PDZD2: variants seen among roughly 807,000 people sequenced by gnomAD.
PDZD2 encodes the protein PDZ domain-containing protein 2.
A neutral mutation model predicts 220.7 loss-of-function variants in PDZD2; 90 were observed. The ratio of observed to expected loss-of-function variants is 0.41; its 90% CI spans 0.34 to 0.49. The LOEUF is 0.49. Among genes scored for constraint, PDZD2 ranks in the 20% least tolerant of loss-of-function variants. The probability of loss-of-function intolerance (pLI) is 0.28; values close to 1 mark genes in which losing one functional copy is unlikely to be tolerated. For synonymous variants in PDZD2, 1,375 were observed against 1,450.5 expected, an observed-to-expected ratio of 0.95 and a Z score of 1.18; for missense variants, 3,174 against 3,608.5, an observed-to-expected ratio of 0.88 and a Z score of 3.08.
intron 2 of PDZD2, among the ~76,000 whole-genome samples, chr5:31,865,377 A>G (rs1017727749): frequency 6.6e-6 from 1 of 152,010 alleles, no homozygotes; most frequent in Non-Finnish European, 1.5e-5. Flanking sequence ...CAGTGGCGCC[A>G]TCACAGCTCA....
At chr5:31,775,786 G>C (rs1369613819) in intron 1 of PDZD2, among the ~76,000 whole-genome samples, 1 of 151,720 alleles carries the variant, frequency 6.6e-6, no homozygotes, top group African/African-American at 2.4e-5. Flanking sequence ...TGAGAGCCTA[G>C]TAGGTGGAAA....
rs1353820204 is a variant in PDZD2 at position 32,073,971 on chromosome 5, TCTC to T, written c.2870_2872del (p.Leu957del). ...GAAGCCCACAGGCCCTCCGAAACCC[TCTC>T]CTCCGCCAGAGGAAGGTAGGCTGCT... On this transcript the variant is annotated inframe_deletion, in exon 18 of 25. Coordinates refer to ENST00000438447, the MANE Select transcript of PDZD2 (RefSeq NM_178140.4). 1.9e-6 allele frequency: 3 copies of T among 1,613,820 alleles called. No homozygotes were observed. The South Asian group carries it at 3.3e-5, about 18-fold the overall frequency.
chr5:32,007,444 A>C (rs1444147422), intron 5 of PDZD2, among the ~76,000 whole-genome samples: 1 of 152,040 alleles, frequency 6.6e-6, no homozygotes. Flanking sequence ...TTGACATCAC[A>C]GAAGAGGACT....
intron 1 of PDZD2, among the ~76,000 whole-genome samples, chr5:31,758,032 C>T (rs6888920): frequency 0.48 from 72,734 of 152,090 alleles, 17,755 homozygotes; most frequent in Admixed American, 0.61. Flanking sequence ...CTTCTGCCCA[C>T]AGCAGTCCCT....
At chr5:32,021,767 A>G (rs1004873955) in intron 6 of PDZD2, among the ~76,000 whole-genome samples, 3 of 152,222 alleles carry the variant, frequency 2.0e-5, no homozygotes, top group Non-Finnish European at 4.4e-5. Flanking sequence ...TTGTTTGGAT[A>G]TTCAAATTTA....
At chr5:31,809,459 G>T (rs73060312) in intron 2 of PDZD2, among the ~76,000 whole-genome samples, 18,237 of 152,094 alleles carry the variant, frequency 0.12, 3,018 homozygotes, top group African/African-American at 0.38. Context: ...CCCCATTCGA[G>T]TCCCTTCACA....
At chr5:32,012,384 AT>A (rs762821901) in intron 6 of PDZD2, among the ~76,000 whole-genome samples, 2 of 151,202 alleles carry the variant, frequency 1.3e-5, no homozygotes, top group Non-Finnish European at 3.0e-5. Context: ...TTAAAAAATT[AT>A]TTTTTTTTGT....
chr5:32,077,882 G>T (rs573338693), intron 19 of PDZD2: 29 of 362,956 alleles, frequency 8.0e-5, no homozygotes, highest in African/African-American at 6.1e-4. Flanking sequence ...GCTTGAACTG[G>T]GTAGGCGGAG....
At chr5:31,865,398 G>A (rs1461756417) in intron 2 of PDZD2, among the ~76,000 whole-genome samples, 1 of 150,874 alleles carries the variant, frequency 6.6e-6, no homozygotes, top group South Asian at 2.1e-4. Flanking sequence ...CTGCAGCCTC[G>A]ACCTCTCAGG....
chr5:32,061,536 G>T (rs1739691815), intron 14 of PDZD2, among the ~76,000 whole-genome samples: 1 of 152,086 alleles, frequency 6.6e-6, no homozygotes, highest in Non-Finnish European at 1.5e-5. Context: ...GCCATATGTT[G>T]GGAATTCTCT....
Position 31,709,599 on chromosome 5 carries a change from C to T in PDZD2, c.-361+70162C>T, listed in dbSNP as rs529213413. ...GGAAATGTGGGTTCAAAAGAAGCAC[C>T]TCCCCCGACAACTCTAGGGCTTTGC... is the stretch of plus-strand genomic sequence containing the variant. On this transcript the variant is annotated intron_variant, in intron 1 of 24. Transcript: ENST00000438447. Among the ~76,000 whole-genome samples, 7 of 152,340 alleles carry T rather than the reference C, an allele frequency of 4.6e-5. No homozygotes were observed. In the South Asian group the frequency reaches 1.4e-3, roughly 32 times the overall value.
At chr5:31,944,000 C>A (rs1746427389) in intron 2 of PDZD2, among the ~76,000 whole-genome samples, 1 of 152,196 alleles carries the variant, frequency 6.6e-6, no homozygotes, top group Non-Finnish European at 1.5e-5. Flanking sequence ...ATATCATCTA[C>A]AGTCATTACT....
chr5:31,824,777 G>A (rs1393902853), intron 2 of PDZD2, among the ~76,000 whole-genome samples: 1 of 151,968 alleles, frequency 6.6e-6, no homozygotes, highest in Non-Finnish European at 1.5e-5. Flanking sequence ...GGAATAAAAT[G>A]CGTTAGGAAA....
chr5:31,918,656 C>T (rs1743895081), intron 2 of PDZD2, among the ~76,000 whole-genome samples: 1 of 152,134 alleles, frequency 6.6e-6, no homozygotes, highest in Non-Finnish European at 1.5e-5. Context: ...TTCCATTAGA[C>T]TTGGCTCATC....
At chr5:31,793,306 G>A (rs1014804674) in intron 1 of PDZD2, among the ~76,000 whole-genome samples, 1 of 152,082 alleles carries the variant, frequency 6.6e-6, no homozygotes. Flanking sequence ...CTAGCAGAGT[G>A]GGGGCACTTC....
chr5:31,696,213 AT>A (rs1747373046), intron 1 of PDZD2, among the ~76,000 whole-genome samples: 1 of 152,038 alleles, frequency 6.6e-6, no homozygotes. Flanking sequence ...TCAGTGACTG[AT>A]GAATGAATGA....
intron 19 of PDZD2, among the ~76,000 whole-genome samples, chr5:32,079,283 A>AC (rs1386858935): frequency 1.3e-5 from 2 of 149,258 alleles, no homozygotes; most frequent in Non-Finnish European, 3.0e-5. Context: ...AAAAAAACAA[A>AC]AAAAAAAAAG....
At chr5:31,887,682 C>T (rs948322752) in intron 2 of PDZD2, among the ~76,000 whole-genome samples, 8 of 152,060 alleles carry the variant, frequency 5.3e-5, no homozygotes, top group Non-Finnish European at 1.2e-4. Flanking sequence ...GACAAAATTT[C>T]GCATAGCTGT....
At chr5:31,741,192 TACACAC>T (rs3032908) in intron 1 of PDZD2, among the ~76,000 whole-genome samples, 29,658 of 150,414 alleles carry the variant, frequency 0.2, 2,945 homozygotes, top group South Asian at 0.23. Context: ...CAATAGTGTG[TACACAC>T]ACACACACAC....
Sources: gnomAD v4.1 joint callset for allele counts (sites outside exome capture counted in the v4.1 genomes callset) on GRCh38, gnomAD v4.1.1 for gene constraint, MANE v1.5 for transcripts, NCBI Gene and HGNC (gene_info 2026-07-23, HGNC 2026-07-21) for gene names.